Variants in PPP2R2A observed in about 807,000 individuals in gnomAD.
PPP2R2A encodes serine/threonine-protein phosphatase 2A 55 kDa regulatory subunit B alpha isoform.
A neutral mutation model predicts 53.2 loss-of-function variants in PPP2R2A; 9 were observed. The ratio of observed to expected loss-of-function variants is 0.17; its 90% confidence interval spans 0.10 to 0.30. The LOEUF is 0.30. Ranked by LOEUF, PPP2R2A falls within the 10% of genes least tolerant of loss-of-function variation. The probability of loss-of-function intolerance (pLI) is 1.00; values close to 1 mark genes in which losing one functional copy is unlikely to be tolerated. For synonymous variants in PPP2R2A, 169 were observed against 174.2 expected (o/e 0.97, Z 0.23); for missense variants, 235 against 534.6 (o/e 0.44, Z 5.53).
chr8:26,291,611 G>A lies in PPP2R2A; in HGVS notation c.-209G>A, dbSNP rs937833942. On this transcript the variant is annotated 5_prime_UTR_variant, in exon 1 of 10. Coordinates refer to ENST00000380737, the MANE Select transcript of PPP2R2A (RefSeq NM_002717.4). ...GCCGCCGCTGCCGGAGAAAGAGCAC[G>A]AGCGGGGAAGCCCCAGAGTGAAATC... 1.9e-5 allele frequency: 11 copies of A among 576,266 alleles called. No homozygotes were observed. Among genetic ancestry groups the A allele is most frequent in the Non-Finnish European group, 1.8e-5 (6 of 328,520 alleles). The allele number at this position is 576,266 out of a possible 1,614,324, so 35.7% of individuals were successfully genotyped here.
chr8:26,355,229 G>T (rs1804712998), intron 4 of PPP2R2A, among the ~76,000 whole-genome samples: 1 of 152,092 alleles, frequency 6.6e-6, no homozygotes, highest in Non-Finnish European at 1.5e-5. Flanking sequence ...TGGCTGGAAG[G>T]AGATTCCTCT....
intron 2 of PPP2R2A, among the ~76,000 whole-genome samples, chr8:26,332,363 CAAA>C (rs3070132): frequency 0.061 from 5,581 of 90,966 alleles, 150 homozygotes; most frequent in South Asian, 0.19. Context: ...TCTTTTGTCT[CAAA>C]AAAAAAAAAA....
At chr8:26,349,748 C>T (rs189188769) in intron 3 of PPP2R2A, among the ~76,000 whole-genome samples, 150 of 152,212 alleles carry the variant, frequency 9.9e-4, no homozygotes, top group African/African-American at 3.5e-3. Context: ...ATGAGCCTGT[C>T]TTATTAATGA....
At position 26,338,017 on chromosome 8, in the gene PPP2R2A, G is replaced by C. The variant is rs1356554920; in HGVS notation, c.83-873G>C. 6.6e-6 allele frequency among the ~76,000 whole-genome samples: 1 copy of C among 152,192 alleles called. No homozygotes were observed. On this transcript the variant is annotated intron_variant, in intron 2 of 9. Transcript: ENST00000380737. The surrounding 1 kb of genome is among the most constrained non-coding windows in gnomAD (Gnocchi z 4.5). ...CTTAACAGTGAGCTTCTGTAGACCA[G>C]AGGATGTCTGTTCTTTTATAAAGCT...
rs149353641 is a variant in PPP2R2A at position 26,343,217 on chromosome 8, CCTG to C, written c.180+4233_180+4235del. 7.0e-3 allele frequency among the ~76,000 whole-genome samples: 1,064 copies of C among 151,988 alleles called. 7 individuals are homozygous for C. The highest frequency in any genetic ancestry group is 0.024 in the African/African-American group (1,005 of 41,482). On this transcript the variant is annotated intron_variant, in intron 3 of 9. Transcript: ENST00000380737. Reference sequence around the variant, plus strand: ...AAATAAATAAAATACAGATTTCTATCCTGCTCCTCAAGATTACTAAATCAGAAT... The same window carrying C: ...AAATAAATAAAATACAGATTTCTATCCTCCTCAAGATTACTAAATCAGAAT...
At chr8:26,365,652 T>C (rs1260386485) in intron 8 of PPP2R2A, 1 of 152,160 alleles carries the variant, frequency 6.6e-6, no homozygotes, top group Non-Finnish European at 1.5e-5. Flanking sequence ...TTCTCAGACT[T>C]TTTAAATATG....
intron 2 of PPP2R2A, among the ~76,000 whole-genome samples, chr8:26,328,938 T>G (rs547445818): frequency 1.3e-5 from 2 of 152,308 alleles, no homozygotes; most frequent in African/African-American, 4.8e-5. Context: ...TGATACATAA[T>G]TTGCAGTTTG....
chr8:26,329,537 T>TA (rs1336952903), intron 2 of PPP2R2A, among the ~76,000 whole-genome samples: 1 of 152,182 alleles, frequency 6.6e-6, no homozygotes, highest in Non-Finnish European at 1.5e-5. Flanking sequence ...GAATTCTTTT[T>TA]AAAAAAATTC....
intron 2 of PPP2R2A, among the ~76,000 whole-genome samples, chr8:26,325,137 G>T (rs1803020947): frequency 6.6e-6 from 1 of 151,486 alleles, no homozygotes; most frequent in South Asian, 2.1e-4. Flanking sequence ...ATTTGGAGGG[G>T]TTGGGGCAGA....
At chr8:26,357,587 AC>A (rs1804859704) in intron 4 of PPP2R2A, among the ~76,000 whole-genome samples, 2 of 152,108 alleles carry the variant, frequency 1.3e-5, no homozygotes, top group African/African-American at 4.8e-5. Context: ...AAAACATGAA[AC>A]TGACCTGTCA....
chr8:26,340,598 A>G (rs904598631), intron 3 of PPP2R2A, among the ~76,000 whole-genome samples: 4 of 152,118 alleles, frequency 2.6e-5, no homozygotes, highest in Non-Finnish European at 4.4e-5. Flanking sequence ...TGTCAATTCT[A>G]AAATACAAGT....
chr8:26,363,029 C>G, intron 7 of PPP2R2A, 181 bp downstream of exon 7: 4 of 570,764 alleles, frequency 7.0e-6, no homozygotes, highest in Non-Finnish European at 6.2e-6. Flanking sequence ...CCTGGAAGCT[C>G]TCTTGGGGGG....
At chr8:26,314,075 C>G (rs955957856) in intron 2 of PPP2R2A, among the ~76,000 whole-genome samples, 2 of 152,116 alleles carry the variant, frequency 1.3e-5, no homozygotes, top group Non-Finnish European at 2.9e-5. Context: ...TCACTGTTTT[C>G]TTTCTGCACC....
intron 2 of PPP2R2A, among the ~76,000 whole-genome samples, chr8:26,329,568 A>G (rs368783658): frequency 2.0e-4 from 31 of 152,080 alleles, no homozygotes; most frequent in African/African-American, 7.2e-4. Context: ...TGGGGACATC[A>G]TCTGTATTTA....
chr8:26,327,527 C>A (rs1209184491), intron 2 of PPP2R2A, among the ~76,000 whole-genome samples: 1 of 152,150 alleles, frequency 6.6e-6, no homozygotes, highest in Non-Finnish European at 1.5e-5. Flanking sequence ...GTTCTTAAAT[C>A]CTGAATATCA....
intron 3 of PPP2R2A, chr8:26,339,841 T>G (rs1007286145): frequency 6.6e-6 from 1 of 152,102 alleles, no homozygotes; most frequent in African/African-American, 2.4e-5. Context: ...TTTAAAGGAT[T>G]GTGAAATTCC....
chr8:26,364,123 G>C (rs1040750654), intron 8 of PPP2R2A, among the ~76,000 whole-genome samples: 2 of 151,984 alleles, frequency 1.3e-5, no homozygotes, highest in Non-Finnish European at 2.9e-5. Flanking sequence ...CTACCCATTT[G>C]GTTCAGTATT....
At position 26,293,918 on chromosome 8, in the gene PPP2R2A, T is replaced by C. The variant is rs190609255; in HGVS notation, c.82+178T>C. 598 of 607,852 alleles carry C rather than the reference T, an allele frequency of 9.8e-4. 6 individuals carry two copies. Among genetic ancestry groups the C allele is most frequent in the Non-Finnish European group, 8.2e-5 (29 of 351,532 alleles). 37.7% of individuals were successfully genotyped at this position (607,852 alleles called of 1,614,324 possible). A position where few individuals can be genotyped will look rare whatever the true frequency, so the allele number is the denominator to read the frequency against. Reference sequence around the variant, plus strand: ...AAACAGCCTTAAATTTCATTTGTTATTTACGCCTTGTTTTTATTATTTTTT... The same window carrying C: ...AAACAGCCTTAAATTTCATTTGTTACTTACGCCTTGTTTTTATTATTTTTT... On this transcript the variant is annotated intron_variant, in intron 2 of 9. Transcript: ENST00000380737.
intron 3 of PPP2R2A, among the ~76,000 whole-genome samples, chr8:26,346,839 C>T (rs532836541): frequency 6.6e-6 from 1 of 152,288 alleles, no homozygotes; most frequent in African/African-American, 2.4e-5. Context: ...TAGAATGTTA[C>T]CAGTGGAAAG....
Sources: gnomAD v4.1 joint callset for allele counts (sites outside exome capture counted in the v4.1 genomes callset) on GRCh38, gnomAD v4.1.1 for gene constraint, Gnocchi (gnomAD v3.1) non-coding constraint, MANE v1.5 for transcripts, NCBI Gene and HGNC (gene_info 2026-07-23, HGNC 2026-07-21) for gene names.